KIF18B: variants seen among roughly 807,000 people sequenced by gnomAD.
KIF18B encodes the protein kinesin-like protein KIF18B.
A neutral mutation model predicts 80.9 loss-of-function variants in KIF18B; 49 were observed. That is an observed-to-expected ratio of 0.61 (90% CI 0.48 to 0.77). KIF18B has a LOEUF of 0.77. KIF18B is among the 30% of genes least tolerant of loss of function. KIF18B has a pLI of 0.00. For synonymous variants in KIF18B, 439 were observed against 463.9 expected (o/e 0.95, Z 0.69); for missense variants, 994 against 1,127.7 (o/e 0.88, Z 1.70).
chr17:44,928,067 T>C lies in KIF18B; in HGVS notation c.2235A>G (p.Ile745Met), dbSNP rs779631321. Residue 745 changes from isoleucine (I) to methionine (M), a missense_variant, in exon 13 of 16, where the codon ATA (isoleucine) becomes ATG (methionine). Physicochemically the swap from Ile to Met is conservative, Grantham distance 10. Transcript: ENST00000593135. Reference protein sequence around the residue: ...SFHECIGWDKIPQELSRLDQP... With the variant: ...SFHECIGWDKMPQELSRLDQP... ...GGTCCAGCCTGCTCAGCTCCTGGGG[T>C]ATTTTGTCCCAGCCAATGCATTCAT... 8.5e-6 allele frequency: 13 copies of C among 1,534,012 alleles called. No homozygotes were observed. The highest frequency in any genetic ancestry group is 1.1e-5 in the Non-Finnish European group (13 of 1,141,804).
chr17:44,936,413 GC>G (rs1190540575), intron 1 of KIF18B, 55 bp from the exon 2 acceptor site: 7 of 1,487,480 alleles, frequency 4.7e-6, no homozygotes, highest in African/African-American at 2.8e-5. Context: ...CTGACCAGGT[GC>G]CCCCTCAGTA....
rs996739112 is a variant in KIF18B at position 44,929,711 on chromosome 17, AGAG to A, written c.1518-690_1518-688del. Reference sequence around the variant, plus strand: ...TAATACCATCTTGCTGGTTAGGATAAGAGGAGATTATGTAAGATAGGCTATGTT... The same window carrying A: ...TAATACCATCTTGCTGGTTAGGATAAGAGATTATGTAAGATAGGCTATGTT... On this transcript the variant is annotated intron_variant, in intron 11 of 15. Coordinates refer to ENST00000593135, the MANE Select transcript of KIF18B (RefSeq NM_001265577.2). Among the ~76,000 whole-genome samples the A allele has an allele frequency of 5.9e-5, 9 of 152,206 alleles. 1 individual carries two copies. Among genetic ancestry groups the A allele is most frequent in the Admixed American group, 5.9e-4 (9 of 15,282 alleles).
Position 44,927,177 on chromosome 17 carries a change from G to A in KIF18B, c.2277-99C>T, listed in dbSNP as rs1182861102. ...GCCCCCAGCTCGGGCATGGGGGAGG[G>A]TGGTTGGACAAGATGACCTCTGAGG... On this transcript the variant is annotated intron_variant, in intron 13 of 15. Transcript: ENST00000593135. The surrounding 1 kb of genome is among the most constrained non-coding windows in gnomAD (Gnocchi z 4.1). 4.7e-6 allele frequency: 4 copies of A among 851,338 alleles called. No homozygotes were observed. Among genetic ancestry groups the A allele is most frequent in the Non-Finnish European group, 7.3e-6 (4 of 550,622 alleles). 52.7% of individuals were successfully genotyped at this position (851,338 alleles called of 1,614,324 possible). A position where few individuals can be genotyped will look rare whatever the true frequency, so the allele number is the denominator to read the frequency against.
At chr17:44,936,609 TATATATATATATA>T (rs2052308257) in intron 1 of KIF18B, among the ~76,000 whole-genome samples, 1 of 83,250 alleles carries the variant, frequency 1.2e-5, no homozygotes, top group African/African-American at 4.5e-5. Flanking sequence ...TATATATATA[TATATATATATATA>T]TATTTTTTTT....
rs1351665975 is a variant in KIF18B, at chr17:44,934,706, T to A, written c.577-89A>T. The A allele has an allele frequency of 1.5e-6, 2 of 1,300,280 alleles. No homozygotes were observed. Among genetic ancestry groups the A allele is most frequent in the African/African-American group, 1.5e-5 (1 of 67,314 alleles). The allele number at this position is 1,300,280 out of a possible 1,614,324, so 80.5% of individuals were successfully genotyped here. On this transcript the variant is annotated intron_variant, in intron 4 of 15. Transcript: ENST00000593135. The surrounding 1 kb of genome is among the most constrained non-coding windows in gnomAD (Gnocchi z 5.4). ...GAAGGGCTGCTCTTCAGAATCTACATCACCCCCTTGCTACCACCACCACTG... is the reference window on the plus strand; with the variant it reads ...GAAGGGCTGCTCTTCAGAATCTACAACACCCCCTTGCTACCACCACCACTG...
rs749827406 is a variant in KIF18B at position 44,936,117 on chromosome 17, A to G, written c.228T>C (p.Phe76=). 1 of 1,613,828 alleles carries G rather than the reference A, an allele frequency of 6.2e-7. No homozygotes were observed. The highest frequency in any genetic ancestry group is 1.1e-5 in the South Asian group (1 of 91,088). ...KDLTFVFDRV[F]GEAATQQDVF... ...CGTCCTGTTGGGTGGCCGCCTCGCC[A>G]AAGACCCGGTCAAAGACAAACGTCA... The change falls in exon 2 of 16, where the codon TTT becomes TTC. Residue 76 remains phenylalanine, a synonymous_variant. Transcript: ENST00000593135.
At chr17:44,931,781 C>G in intron 10 of KIF18B, 52 bp from the exon 11 acceptor site, 4 of 1,590,454 alleles carry the variant, frequency 2.5e-6, no homozygotes, top group Non-Finnish European at 3.4e-6. Flanking sequence ...GCCTCCTCAT[C>G]TTTATAAACA....
At chr17:44,928,740 C>T (rs1166375722) in intron 12 of KIF18B, 79 bp downstream of exon 12, 6 of 1,480,048 alleles carry the variant, frequency 4.1e-6, no homozygotes, top group Non-Finnish European at 5.5e-6. Flanking sequence ...AACTGAGGCC[C>T]CTGGACACCC....
chr17:44,947,581 G>C (rs940617402), intron 1 of KIF18B, 47 bp downstream of exon 1: 1 of 152,302 alleles, frequency 6.6e-6, no homozygotes, highest in Admixed American at 6.5e-5. Context: ...TCCGAGACCT[G>C]AGAGCAGGCG....
chr17:44,947,354 C>T (rs2052531401), intron 1 of KIF18B, among the ~76,000 whole-genome samples: 2 of 152,156 alleles, frequency 1.3e-5, no homozygotes, highest in African/African-American at 4.8e-5. Flanking sequence ...GGCAGATGTG[C>T]AGGCCCAGTC....
chr17:44,945,593 C>G (rs1371027645), intron 1 of KIF18B, among the ~76,000 whole-genome samples: 2 of 151,928 alleles, frequency 1.3e-5, no homozygotes, highest in Non-Finnish European at 2.9e-5. Flanking sequence ...TCCTATTTGA[C>G]CTACTTAAGT....
At chr17:44,926,207 T>C in intron 15 of KIF18B, 21 bp from the exon 16 acceptor site, 1 of 1,613,240 alleles carries the variant, frequency 6.2e-7, no homozygotes, top group African/African-American at 1.3e-5. Flanking sequence ...GTTGGATGGG[T>C]GGCGGGGAGT....
At chr17:44,930,708 G>T (rs1295417760) in intron 11 of KIF18B, among the ~76,000 whole-genome samples, 1 of 152,120 alleles carries the variant, frequency 6.6e-6, no homozygotes, top group Non-Finnish European at 1.5e-5. Context: ...TAAGGACCCT[G>T]GTGTCCTCTC....
At chr17:44,933,898 C>T (rs373664313) in intron 7 of KIF18B, 25 bp downstream of exon 7, 1 of 1,538,072 alleles carries the variant, frequency 6.5e-7, no homozygotes, top group African/African-American at 1.4e-5. Flanking sequence ...GCCCCACGCC[C>T]AAGCCGGCCC....
intron 1 of KIF18B, 32 bp from the exon 2 acceptor site, chr17:44,936,390 T>C (rs1226915158): frequency 6.4e-7 from 1 of 1,555,106 alleles, no homozygotes; most frequent in Admixed American, 1.9e-5. Flanking sequence ...TGAGGACCAA[T>C]CCCACCCCAG....
chr17:44,937,557 A>T (rs927125394), intron 1 of KIF18B, among the ~76,000 whole-genome samples: 13 of 152,196 alleles, frequency 8.5e-5, no homozygotes, highest in African/African-American at 3.1e-4. Context: ...TCCAGCTGAT[A>T]ATTACTAGTA....
chr17:44,926,124 C>A lies in KIF18B; in HGVS notation c.2515G>T (p.Gly839Trp), dbSNP rs747008043. The A allele has an allele frequency of 6.2e-7, 1 of 1,613,878 alleles. No homozygotes were observed. Among genetic ancestry groups the A allele is most frequent in the South Asian group, 1.1e-5 (1 of 91,056 alleles). Residue 839 changes from glycine (G) to tryptophan (W), a missense_variant, in exon 16 of 16, where the codon GGG (glycine) becomes TGG (tryptophan). Coordinates refer to ENST00000593135, the MANE Select transcript of KIF18B (RefSeq NM_001265577.2). ...RRNGKDLIRV[G>W]RALSAGNGVT... ...CCGTTCCCTGCTGAGAGTGCTCTCC[C>A]CACCCTGATGAGGTCCTTTCCATTC...
Position 44,947,113 on chromosome 17 carries a change from C to CAAAAAAAAAAAAAAAAA in KIF18B, c.-15+498_-15+514dup, listed in dbSNP as rs57955845. ...GACAGAGAGAGAGAGACTCCATCTCCAAAAAAAAAAAAAAAAAAAAAAAAA... is the reference window on the plus strand; with the variant it reads ...GACAGAGAGAGAGAGACTCCATCTCCAAAAAAAAAAAAAAAAAAAAAAAAAAAAAAAAAAAAAAAAAA... On this transcript the variant is annotated intron_variant, in intron 1 of 15. Transcript: ENST00000593135. Among the ~76,000 whole-genome samples, 32 of 54,008 alleles carry CAAAAAAAAAAAAAAAAA rather than the reference C, an allele frequency of 5.9e-4. 1 individual carries two copies. Among genetic ancestry groups the CAAAAAAAAAAAAAAAAA allele is most frequent in the African/African-American group, 1.6e-3 (25 of 15,388 alleles). The allele number at this position is 54,008 out of a possible 152,430, so 35.4% of individuals were successfully genotyped here.
At chr17:44,932,822 G>C (rs1361084415) in intron 8 of KIF18B, 49 bp from the exon 9 acceptor site, 4 of 1,577,718 alleles carry the variant, frequency 2.5e-6, no homozygotes, top group Non-Finnish European at 3.5e-6. Flanking sequence ...AAGCACAGGA[G>C]GGGAGGGGCA....
Sources: gnomAD v4.1 joint callset for allele counts (sites outside exome capture counted in the v4.1 genomes callset) on GRCh38, gnomAD v4.1.1 for gene constraint, Gnocchi (gnomAD v3.1) non-coding constraint, MANE v1.5 for transcripts, NCBI Gene and HGNC (gene_info 2026-07-23, HGNC 2026-07-21) for gene names.